The following MOGAT1 variants were observed in gnomAD, a reference collection of about 807,000 sequenced individuals.
MOGAT1 encodes monoacylglycerol O-acyltransferase 1, also known as 2-acylglycerol O-acyltransferase 1.
In MOGAT1, 32 loss-of-function variants were observed where a neutral mutation model predicts 31.4. The observed-to-expected ratio is 1.02, with a 90% CI of 0.77 to 1.37. MOGAT1 has a LOEUF of 1.37. MOGAT1 is among the 40% of genes most tolerant of loss of function. The probability of loss-of-function intolerance (pLI) is 0.00; values close to 1 mark genes in which losing one functional copy is unlikely to be tolerated. For synonymous variants in MOGAT1, 145 were observed against 144.5 expected, an observed-to-expected ratio of 1.00 and a Z score of -0.03; for missense variants, 426 against 402.0, an observed-to-expected ratio of 1.06 and a Z score of -0.51.
chr2:222,686,797 T>C (rs1692675725), intron 1 of MOGAT1, among the ~76,000 whole-genome samples: 2 of 152,046 alleles, frequency 1.3e-5, no homozygotes, highest in African/African-American at 4.8e-5. Context: ...ATCTGAGAAA[T>C]TTATTGATTT....
Sources: gnomAD v4.1 joint callset for allele counts (sites outside exome capture counted in the v4.1 genomes callset) on GRCh38, gnomAD v4.1.1 for gene constraint, MANE v1.5 for transcripts, NCBI Gene and HGNC (gene_info 2026-07-23, HGNC 2026-07-21) for gene names.